Variants in BSDC1 observed in about 807,000 individuals in gnomAD.
The protein encoded by BSDC1 is BSD domain containing 1.
Under a neutral mutation model 56.0 loss-of-function variants are expected in BSDC1, and 29 were observed. The ratio of observed to expected loss-of-function variants is 0.52; its 90% CI spans 0.39 to 0.71. The LOEUF (loss-of-function observed/expected upper bound fraction) is 0.71. Among genes scored for constraint, BSDC1 ranks in the 30% least tolerant of loss-of-function variants. BSDC1 has a pLI of 0.00. For synonymous variants in BSDC1, 210 were observed against 215.3 expected, an observed-to-expected ratio of 0.98 and a Z score of 0.21; for missense variants, 477 against 548.5, an observed-to-expected ratio of 0.87 and a Z score of 1.30.
At position 32,378,633 on chromosome 1, in the gene BSDC1, G is replaced by C; in HGVS notation, c.528+91C>G. The C allele has an allele frequency of 3.2e-6, 3 of 932,580 alleles. No homozygotes were observed. Among genetic ancestry groups the C allele is most frequent in the Non-Finnish European group, 4.7e-6 (3 of 634,188 alleles). 57.8% of individuals were successfully genotyped at this position (932,580 alleles called of 1,614,324 possible). ...GAGCCTCCCAGTGCTCTCCGGGCCA[G>C]ATGACTCTGCAGTGACTCTGAACAT... On this transcript the variant is annotated intron_variant, in intron 6 of 10. Coordinates refer to ENST00000455895, the MANE Select transcript of BSDC1 (RefSeq NM_018045.8). The surrounding 1 kb of genome is among the most constrained non-coding windows in gnomAD (Gnocchi z 5.2).
intron 2 of BSDC1, chr1:32,393,789 G>A (rs1322360890): frequency 2.3e-6 from 1 of 429,516 alleles, no homozygotes; most frequent in African/African-American, 2.0e-5. Flanking sequence ...TCTCTTTCAC[G>A]AAGAAACTGA....
rs1230996724 is a variant in BSDC1, at chr1:32,377,998, A to G, written c.648T>C (p.Ser216=). ...CCTCCTCCTCCCAGCCGGGCTCTTC[A>G]GAGATGCTCTGTTCCGCCCGCTGCT... The part of the protein sequence containing the change: ...ALKQRAEQSI[S]EEPGWEEEEE... The change falls in exon 8 of 11, where the codon TCT becomes TCC. Residue 216 remains serine (S), a synonymous_variant. Coordinates refer to ENST00000455895, the MANE Select transcript of BSDC1 (RefSeq NM_018045.8). 4 of 1,613,254 alleles carry G rather than the reference A, an allele frequency of 2.5e-6. No individual in the cohort carries two copies. Among genetic ancestry groups the G allele is most frequent in the African/African-American group, 1.3e-5 (1 of 74,878 alleles).
chr1:32,374,010 A>G (rs1424171172), intron 9 of BSDC1, among the ~76,000 whole-genome samples: 2 of 152,058 alleles, frequency 1.3e-5, no homozygotes, highest in Admixed American at 1.3e-4. Context: ...CCACCCAGCA[A>G]CCCTATTACA....
intron 3 of BSDC1, 155 bp from the exon 4 acceptor site, chr1:32,384,152 A>G: frequency 9.7e-7 from 1 of 1,027,774 alleles, no homozygotes; most frequent in Non-Finnish European, 1.4e-6. Flanking sequence ...CAGGAGAGGG[A>G]GGAGGCAAGG....
At chr1:32,368,600 C>G in intron 9 of BSDC1, 50 bp from the exon 10 acceptor site, 1 of 1,611,040 alleles carries the variant, frequency 6.2e-7, no homozygotes, top group East Asian at 2.2e-5. Flanking sequence ...AGGGAAGGGG[C>G]ACCTGAAGAG....
chr1:32,368,700 C>T (rs1641950527), intron 9 of BSDC1, 150 bp from the exon 10 acceptor site: 1 of 960,082 alleles, frequency 1.0e-6, no homozygotes, highest in Non-Finnish European at 1.4e-6. Flanking sequence ...ACCAATCGTA[C>T]TTTTTTTTTT....
chr1:32,389,315 A>G (rs999244792), intron 2 of BSDC1, among the ~76,000 whole-genome samples: 1 of 152,130 alleles, frequency 6.6e-6, no homozygotes, highest in Non-Finnish European at 1.5e-5. Context: ...CACAGGTCCT[A>G]TGTGTTTTGT....
intron 2 of BSDC1, among the ~76,000 whole-genome samples, chr1:32,387,349 T>G (rs891790249): frequency 6.6e-6 from 1 of 152,184 alleles, no homozygotes; most frequent in Admixed American, 6.5e-5. Context: ...GATTTTTTTT[T>G]TTTTTTCTTG....
At position 32,365,327 on chromosome 1, in the gene BSDC1, A is replaced by G. The variant is rs1641807361; in HGVS notation, c.*1295T>C. ...AAACAACCAAAAGGTTAATTAAACT[A>G]AAGAAATAATTACAAAGAGAAAAAC... On this transcript the variant is annotated 3_prime_UTR_variant, in exon 11 of 11. Coordinates refer to ENST00000455895, the MANE Select transcript of BSDC1 (RefSeq NM_018045.8). 1 of 152,572 alleles carries G rather than the reference A, an allele frequency of 6.6e-6. No homozygotes were observed. The highest frequency in any genetic ancestry group is 1.5e-5 in the Non-Finnish European group (1 of 68,034). 9.5% of individuals were successfully genotyped at this position (152,572 alleles called of 1,614,324 possible).
At chr1:32,394,200 C>G in intron 1 of BSDC1, 60 bp from the exon 2 acceptor site, 1 of 1,582,820 alleles carries the variant, frequency 6.3e-7, no homozygotes, top group Non-Finnish European at 8.6e-7. Context: ...CCCAAGGATC[C>G]GGTTTGTTCC....
At chr1:32,380,193 C>T (rs1331805485) in intron 5 of BSDC1, among the ~76,000 whole-genome samples, 1 of 152,182 alleles carries the variant, frequency 6.6e-6, no homozygotes, top group Non-Finnish European at 1.5e-5. Context: ...ATCTGGCTCC[C>T]ACGAGCTGCT....
At chr1:32,369,732 T>C (rs1641999780) in intron 9 of BSDC1, among the ~76,000 whole-genome samples, 1 of 152,238 alleles carries the variant, frequency 6.6e-6, no homozygotes, top group South Asian at 2.1e-4. Context: ...ACCTTCTAGA[T>C]GTGGCCTACA....
At chr1:32,381,375 G>C (rs961225779) in intron 4 of BSDC1, 107 bp from the exon 5 acceptor site, 20 of 1,120,012 alleles carry the variant, frequency 1.8e-5, no homozygotes, top group Non-Finnish European at 2.5e-5. Context: ...CTTCTCCCTT[G>C]TTGGCTGGGA....
chr1:32,376,319 C>T lies in BSDC1; in HGVS notation c.1099G>A (p.Val367Met). Residue 367 changes from valine to methionine, a missense_variant, in exon 9 of 11, where the codon GTG becomes ATG. Transcript: ENST00000455895. ...LREEAPTDLRVFELNSDSGKS... is the reference protein window; with the variant it reads ...LREEAPTDLRMFELNSDSGKS... ...CCACTATCCGAGTTCAGCTCAAACA[C>T]CCGTAAGTCTGTGGGCGCCTCCTCC... The T allele has an allele frequency of 6.2e-7, 1 of 1,600,470 alleles. No individual in the cohort carries two copies. Among genetic ancestry groups the T allele is most frequent in the Non-Finnish European group, 8.5e-7 (1 of 1,171,062 alleles).
rs1642071980 is a variant in BSDC1, at chr1:32,371,301, ATCT to A, written c.1157-2754_1157-2752del. Among the ~76,000 whole-genome samples the A allele has an allele frequency of 2.8e-5, 4 of 144,668 alleles. No individual in the cohort carries two copies. The South Asian group carries it at 8.5e-4, about 31-fold the overall frequency. The allele number at this position is 144,668 out of a possible 152,430, so 94.9% of individuals were successfully genotyped here. A position where few individuals can be genotyped will look rare whatever the true frequency, so the allele number is the denominator to read the frequency against. ...TAAAATGAACACATACGACTTTGTA[ATCT>A]TTTTTTTTTTTTTTTTTTTTTTATT... On this transcript the variant is annotated intron_variant, in intron 9 of 10. Transcript: ENST00000455895.
At chr1:32,371,725 G>C (rs372442219) in intron 9 of BSDC1, among the ~76,000 whole-genome samples, 1 of 151,552 alleles carries the variant, frequency 6.6e-6, no homozygotes, top group Non-Finnish European at 1.5e-5. Context: ...AGATGCCTCC[G>C]CGCTGAGACC....
rs1470005384 is a variant in BSDC1 at position 32,376,392 on chromosome 1, G to T, written c.1026C>A (p.His342Gln). The change falls in exon 9 of 11, where the codon CAC becomes CAA. Residue 342 changes from histidine to glutamine, a missense_variant. By Grantham distance (24) the His-to-Gln change is conservative. Transcript: ENST00000455895. ...GAGGCCTGGGCTCTGGGCCGCCGGT[G>T]TGGCCAGCAGGCGTTAGGGGCTTGG... is the stretch of plus-strand genomic sequence containing the variant. ...IHSKPLTPAGHTGGPEPRPPA... is the reference protein window; with the variant it reads ...IHSKPLTPAGQTGGPEPRPPA... 6.2e-7 allele frequency: 1 copy of T among 1,613,626 alleles called. No individual in the cohort carries two copies. The highest frequency in any genetic ancestry group is 8.5e-7 in the Non-Finnish European group (1 of 1,179,706).
chr1:32,384,552 T>C lies in BSDC1; in HGVS notation c.190-555A>G, dbSNP rs534011658. On this transcript the variant is annotated intron_variant, in intron 3 of 10. Coordinates refer to ENST00000455895, the MANE Select transcript of BSDC1 (RefSeq NM_018045.8). ...AGCATACGCTTAATAAACTGCAGCA[T>C]TGTAATACTGCAATTTCATCATCAT... Among the ~76,000 whole-genome samples, 264 of 152,240 alleles carry C rather than the reference T, an allele frequency of 1.7e-3. 4 individuals carry two copies. The highest frequency in any genetic ancestry group is 6.0e-3 in the African/African-American group (249 of 41,548).
At chr1:32,387,477 GA>G (rs1184638693) in intron 2 of BSDC1, among the ~76,000 whole-genome samples, 1 of 152,152 alleles carries the variant, frequency 6.6e-6, no homozygotes, top group Non-Finnish European at 1.5e-5. Context: ...GAGTAGCTGG[GA>G]TTACAGGCAT....
Sources: allele counts gnomAD v4.1 joint callset (sites outside exome capture counted in the v4.1 genomes callset), GRCh38; gene constraint gnomAD v4.1.1; non-coding constraint Gnocchi (gnomAD v3.1); transcripts MANE v1.5; gene names NCBI Gene and HGNC (gene_info 2026-07-23, HGNC 2026-07-21).